MASP1: variants seen among roughly 807,000 people sequenced by gnomAD.
MASP1 encodes mannan-binding lectin serine protease 1.
A neutral mutation model predicts 77.1 loss-of-function variants in MASP1; 59 were observed. The ratio of observed to expected loss-of-function variants is 0.77; its 90% confidence interval spans 0.62 to 0.95. The LOEUF (loss-of-function observed/expected upper bound fraction) is 0.95, where lower values mean the gene tolerates loss of function less well. MASP1 is among the 40% of genes least tolerant of loss of function. MASP1 has a pLI of 0.00. For missense variants in MASP1, 885 were observed against 912.9 expected (o/e 0.97, Z 0.39); for synonymous variants, 362 against 354.5 (o/e 1.02, Z -0.24).
At chr3:187,259,591 A>G (rs766455829) in intron 4 of MASP1, among the ~76,000 whole-genome samples, 1 of 152,212 alleles carries the variant, frequency 6.6e-6, no homozygotes, top group African/African-American at 2.4e-5. Flanking sequence ...TGCCCTAAGC[A>G]TTCTTGGCCC....
chr3:187,274,916 G>C (rs954813688), intron 2 of MASP1, among the ~76,000 whole-genome samples: 2 of 150,812 alleles, frequency 1.3e-5, no homozygotes, highest in African/African-American at 4.9e-5. Context: ...CGGGCATCCC[G>C]CAGGTGGGAA....
At chr3:187,230,716 G>A (rs571052337), downstream of MASP1, among the ~76,000 whole-genome samples, 2 of 152,224 alleles carry the variant, frequency 1.3e-5, no homozygotes, top group African/African-American at 2.4e-5. Context: ...AATAGCCCTC[G>A]GAGACCATCT....
intron 1 of MASP1, among the ~76,000 whole-genome samples, chr3:187,290,989 T>C (rs1225720043): frequency 6.6e-6 from 1 of 152,140 alleles, no homozygotes; most frequent in African/African-American, 2.4e-5. Context: ...CTTTTTTTTT[T>C]TTTAAGTATG....
At chr3:187,248,002 G>T (rs1053065950) in intron 8 of MASP1, among the ~76,000 whole-genome samples, 1 of 152,094 alleles carries the variant, frequency 6.6e-6, no homozygotes, top group African/African-American at 2.4e-5. Flanking sequence ...AGAAGCCTGG[G>T]GACTCTCGAC....
At chr3:187,246,875 A>G in intron 8 of MASP1, 1 of 1,023,756 alleles carries the variant, frequency 9.8e-7, no homozygotes, top group Non-Finnish European at 1.2e-6. Context: ...ATGGTGGTTA[A>G]GAAAGCAGCA....
rs369648641 is a variant in MASP1 at position 187,226,500 on chromosome 3, C to T, written c.1462G>A (p.Ala488Thr). 27 of 1,611,034 alleles carry T rather than the reference C, an allele frequency of 1.7e-5. No individual in the cohort carries two copies. Among genetic ancestry groups the T allele is most frequent in the Middle Eastern group, 1.6e-4 (1 of 6,084 alleles). ...AGTGACTGGTGGAGGCAGTGTGCGG[C>T]GGTCACGATCCAGCTGGAGCCTGGG... The change falls in exon 12 of 16, where the codon GCC (alanine) becomes ACC (threonine). Residue 488 changes from alanine to threonine, a missense_variant. Transcript: ENST00000337774.
At chr3:187,260,922 C>T in intron 3 of MASP1, 50 bp from the exon 4 acceptor site, 1 of 1,609,628 alleles carries the variant, frequency 6.2e-7, no homozygotes, top group Non-Finnish European at 8.5e-7. Flanking sequence ...ATGATGAAGA[C>T]TACAGCCAAC....
intron 8 of MASP1, chr3:187,247,402 G>T (rs1346129993): frequency 6.2e-7 from 1 of 1,613,964 alleles, no homozygotes; most frequent in Non-Finnish European, 8.5e-7. Flanking sequence ...CCATGGTGAA[G>T]ATCAAAGAGG....
chr3:187,281,815 T>C (rs1227726866), intron 2 of MASP1, among the ~76,000 whole-genome samples: 1 of 152,092 alleles, frequency 6.6e-6, no homozygotes, highest in Non-Finnish European at 1.5e-5. Context: ...AAAAACAGAA[T>C]TTTGGAGAGG....
chr3:187,267,674 G>A (rs1716156430), intron 2 of MASP1, among the ~76,000 whole-genome samples: 2 of 152,210 alleles, frequency 1.3e-5, no homozygotes, highest in African/African-American at 4.8e-5. Flanking sequence ...ACTTTCAGGT[G>A]AAACCACAGA....
chr3:187,291,483 A>C, intron 1 of MASP1, 145 bp downstream of exon 1: 2 of 1,117,204 alleles, frequency 1.8e-6, no homozygotes, highest in African/African-American at 1.5e-5. Flanking sequence ...CTCCCTTCTC[A>C]GAGCCCTAAG....
Position 187,240,547 on chromosome 3 carries a change from C to T in MASP1, c.1303+934G>A, listed in dbSNP as rs557109749. ...ACTTTTTGTGGATTATTTGTTTAAC[C>T]GTAGAGTGTGCATTTTGGGGCTACA... On this transcript the variant is annotated intron_variant, in intron 10 of 10. Transcript: ENST00000296280. 6.6e-5 allele frequency among the ~76,000 whole-genome samples: 10 copies of T among 152,088 alleles called. 1 individual carries two copies. The highest frequency in any genetic ancestry group is 1.7e-4 in the African/African-American group (7 of 41,470).
downstream of MASP1, among the ~76,000 whole-genome samples, chr3:187,231,437 T>A (rs1006963189): frequency 6.6e-6 from 1 of 152,220 alleles, no homozygotes; most frequent in Non-Finnish European, 1.5e-5. Flanking sequence ...CTTTCCCACA[T>A]TCTTCCTCCC....
intron 2 of MASP1, among the ~76,000 whole-genome samples, chr3:187,284,900 T>C (rs1220931681): frequency 6.6e-6 from 1 of 152,214 alleles, no homozygotes; most frequent in Non-Finnish European, 1.5e-5. Context: ...CCAAATATTC[T>C]GGTTAATACA....
intron 2 of MASP1, among the ~76,000 whole-genome samples, chr3:187,283,843 C>T (rs1398739045): frequency 6.6e-6 from 1 of 152,166 alleles, no homozygotes; most frequent in Non-Finnish European, 1.5e-5. Context: ...TTGTGACCAA[C>T]ATTATTTGGG....
At position 187,236,545 on chromosome 3, in the gene MASP1, G is replaced by A. The variant is rs1000235604; in HGVS notation, c.1326C>T (p.Ser442=). The stretch of plus-strand genomic sequence containing the variant: ...TGATCCTCTTGACCAGGCTTGGCAG[G>A]GAGCGGGAGGGCTGACCACACTCTG... ...CLPECGQPSR[S]LPSLVKRIIG... is the part of the protein sequence containing the mutation. The change falls in exon 11 of 11, where the codon TCC becomes TCT. Residue 442 remains serine, a synonymous_variant. Coordinates refer to ENST00000296280, the MANE Select transcript of MASP1 (RefSeq NM_139125.4). 1.2e-6 allele frequency: 2 copies of A among 1,614,024 alleles called. No individual in the cohort carries two copies. The highest frequency in any genetic ancestry group is 2.2e-5 in the South Asian group (2 of 91,084).
At position 187,291,636 on chromosome 3, in the gene MASP1, C is replaced by T. The variant is rs371721751; in HGVS notation, c.-4G>A. Reference sequence around the variant, plus strand: ...CCTCCCCTGGCACGTACCTCATTTTCCTGCCTTGGGTGCTCCCGGCTGCCC... The same window carrying T: ...CCTCCCCTGGCACGTACCTCATTTTTCTGCCTTGGGTGCTCCCGGCTGCCC... On this transcript the variant is annotated 5_prime_UTR_variant, in exon 1 of 11. Transcript: ENST00000296280. 5.6e-5 allele frequency: 91 copies of T among 1,614,104 alleles called. No homozygotes were observed. The highest frequency in any genetic ancestry group is 6.8e-5 in the Non-Finnish European group (80 of 1,180,030).
chr3:187,225,996 A>G (rs1324101470), intron 12 of MASP1, among the ~76,000 whole-genome samples: 2 of 152,188 alleles, frequency 1.3e-5, no homozygotes, highest in Admixed American at 1.3e-4. Flanking sequence ...TCTTAATCAT[A>G]CTGTGTCCTT....
rs574812150 is a variant in MASP1 at position 187,262,999 on chromosome 3, T to A, written c.238-279A>T. ...AAGCAGCTTATTTATTAAAAATAACTCAATATGAAAGTTTTAAAAAGTTAG... is the reference window on the plus strand; with the variant it reads ...AAGCAGCTTATTTATTAAAAATAACACAATATGAAAGTTTTAAAAAGTTAG... On this transcript the variant is annotated intron_variant, in intron 2 of 10. Coordinates refer to ENST00000296280, the MANE Select transcript of MASP1 (RefSeq NM_139125.4). 1.8e-4 allele frequency: 73 copies of A among 414,288 alleles called. 2 individuals carry two copies. The South Asian group carries it at 2.0e-3, about 12-fold the overall frequency. 25.7% of individuals were successfully genotyped at this position (414,288 alleles called of 1,614,324 possible).
Sources: allele counts gnomAD v4.1 joint callset (sites outside exome capture counted in the v4.1 genomes callset), GRCh38; gene constraint gnomAD v4.1.1; transcripts MANE v1.5; gene names NCBI Gene and HGNC (gene_info 2026-07-23, HGNC 2026-07-21).